PPARGC1B: variants seen among roughly 807,000 people sequenced by gnomAD.
The protein encoded by PPARGC1B is PPARG coactivator 1 beta.
A neutral mutation model predicts 101.6 loss-of-function variants in PPARGC1B; 34 were observed. The observed-to-expected ratio is 0.33, with a 90% CI of 0.25 to 0.45. The LOEUF (loss-of-function observed/expected upper bound fraction) is 0.45, where lower values mean the gene tolerates loss of function less well. Among genes scored for constraint, PPARGC1B ranks in the 20% least tolerant of loss-of-function variants. The probability of loss-of-function intolerance (pLI) is 1.00; values close to 1 mark genes in which losing one functional copy is unlikely to be tolerated. For synonymous variants in PPARGC1B, 548 were observed against 539.3 expected (o/e 1.02, Z -0.22); for missense variants, 1,234 against 1,317.6 (o/e 0.94, Z 0.98).
intron 8 of PPARGC1B, 104 bp from the exon 9 acceptor site, chr5:149,839,937 A>G: frequency 3.3e-6 from 4 of 1,198,024 alleles, no homozygotes; most frequent in Non-Finnish European, 4.9e-6. Flanking sequence ...TGCCCTCGTG[A>G]ACAAATCCTA....
At chr5:149,775,037 T>C (rs941199311) in intron 1 of PPARGC1B, among the ~76,000 whole-genome samples, 1 of 152,094 alleles carries the variant, frequency 6.6e-6, no homozygotes, top group Non-Finnish European at 1.5e-5. Flanking sequence ...CACCTAGAAT[T>C]GCTTCCCCCT....
Position 149,833,456 on chromosome 5 carries a change from A to G in PPARGC1B, c.1383A>G (p.Pro461=), listed in dbSNP as rs141187835. The G allele has an allele frequency of 8.3e-6, 13 of 1,573,414 alleles. No homozygotes were observed. Among genetic ancestry groups the G allele is most frequent in the South Asian group, 3.4e-5 (3 of 86,968 alleles). Residue 461 remains proline, a synonymous_variant, in exon 5 of 12, where the codon CCA becomes CCG. Coordinates refer to ENST00000309241, the MANE Select transcript of PPARGC1B (RefSeq NM_133263.4). This position sits in a 1 kb window ranked among gnomAD's most constrained non-coding sequence, Gnocchi z 4.1. ...WGRKRPGRGL[P]WTKLGRKLES... Reference sequence around the variant, plus strand: ...GGAAAAGGCCAGGCCGAGGCCTGCCATGGACGAAGCTGGGGAGGAAGCTGG... The same window carrying G: ...GGAAAAGGCCAGGCCGAGGCCTGCCGTGGACGAAGCTGGGGAGGAAGCTGG...
At chr5:149,820,893 C>T (rs928835400) in intron 2 of PPARGC1B, among the ~76,000 whole-genome samples, 1 of 152,210 alleles carries the variant, frequency 6.6e-6, no homozygotes, top group Non-Finnish European at 1.5e-5. Context: ...CCACAGAGGT[C>T]CAAGTCCTCT....
chr5:149,743,573 A>G (rs891737497), intron 1 of PPARGC1B, among the ~76,000 whole-genome samples: 8 of 152,118 alleles, frequency 5.3e-5, no homozygotes, highest in African/African-American at 1.2e-4. Flanking sequence ...CCCCCAATAA[A>G]TAGTTGTTGG....
intron 1 of PPARGC1B, among the ~76,000 whole-genome samples, chr5:149,786,124 GCTCTGTTGCCCAGGCTGGAGTC>G (rs1756799327): frequency 6.6e-6 from 1 of 151,672 alleles, no homozygotes; most frequent in South Asian, 2.1e-4. Flanking sequence ...ATGGAGTCTT[GCTCTGTTGCCCAGGCTGGAGTC>G]CAGTGGCTCG....
intron 1 of PPARGC1B, among the ~76,000 whole-genome samples, chr5:149,763,969 T>G (rs1043942003): frequency 2.0e-5 from 3 of 152,092 alleles, no homozygotes; most frequent in African/African-American, 7.2e-5. Context: ...TGTGAGCCAC[T>G]GGGCCCAGCC....
intron 1 of PPARGC1B, among the ~76,000 whole-genome samples, chr5:149,775,203 TG>T (rs1040326340): frequency 6.6e-6 from 1 of 152,074 alleles, no homozygotes; most frequent in Non-Finnish European, 1.5e-5. Flanking sequence ...TACAGCCCAG[TG>T]GGGGCAGAGG....
intron 1 of PPARGC1B, among the ~76,000 whole-genome samples, chr5:149,738,975 G>T (rs1050270277): frequency 6.6e-6 from 1 of 152,226 alleles, no homozygotes; most frequent in Non-Finnish European, 1.5e-5. Context: ...TGGTATCTGA[G>T]TGTGCTTTTA....
At chr5:149,793,483 A>G (rs773852626) in intron 1 of PPARGC1B, among the ~76,000 whole-genome samples, 46 of 152,118 alleles carry the variant, frequency 3.0e-4, no homozygotes, top group Non-Finnish European at 5.7e-4. Context: ...GGGGAGGTGC[A>G]TCACACCCCA....
intron 8 of PPARGC1B, 46 bp from the exon 9 acceptor site, chr5:149,839,995 G>C: frequency 3.8e-6 from 6 of 1,591,202 alleles, no homozygotes; most frequent in Non-Finnish European, 4.3e-6. Context: ...CACCCCCATG[G>C]TATCTCCCGA....
chr5:149,758,552 G>A (rs903141378), intron 1 of PPARGC1B, among the ~76,000 whole-genome samples: 9 of 152,330 alleles, frequency 5.9e-5, no homozygotes, highest in African/African-American at 2.2e-4. Context: ...ACCTGGTTGG[G>A]TGATCAGAAT....
At chr5:149,830,114 A>G (rs1758717013) in intron 3 of PPARGC1B, among the ~76,000 whole-genome samples, 1 of 151,158 alleles carries the variant, frequency 6.6e-6, no homozygotes, top group African/African-American at 2.4e-5. Context: ...TACTTGCATA[A>G]TGAAAGCCCA....
intron 2 of PPARGC1B, among the ~76,000 whole-genome samples, chr5:149,825,992 G>A (rs150343386): frequency 6.6e-6 from 1 of 152,318 alleles, no homozygotes; most frequent in African/African-American, 2.4e-5. Context: ...GTCCTCAGCA[G>A]TAACCTTAGG....
At chr5:149,780,607 T>A (rs1372679682) in intron 1 of PPARGC1B, among the ~76,000 whole-genome samples, 4 of 152,240 alleles carry the variant, frequency 2.6e-5, no homozygotes, top group African/African-American at 7.2e-5. Flanking sequence ...AGCGGTTAGA[T>A]AATGTGAAGC....
chr5:149,736,920 AT>A (rs1754735793), intron 1 of PPARGC1B, among the ~76,000 whole-genome samples: 1 of 152,128 alleles, frequency 6.6e-6, no homozygotes, highest in Non-Finnish European at 1.5e-5. Context: ...ATGAACCTAC[AT>A]TGACACATCA....
intron 3 of PPARGC1B, among the ~76,000 whole-genome samples, chr5:149,830,476 G>A (rs1327613177): frequency 1.3e-5 from 2 of 151,912 alleles, no homozygotes; most frequent in South Asian, 2.1e-4. Flanking sequence ...ATAGACAGAC[G>A]TTACCCAAGA....
intron 1 of PPARGC1B, among the ~76,000 whole-genome samples, chr5:149,789,960 G>A (rs925265160): frequency 3.9e-5 from 6 of 152,194 alleles, no homozygotes; most frequent in African/African-American, 1.4e-4. Flanking sequence ...GAGAAGCAAT[G>A]TAGACCTAAG....
rs993362434 is a variant in PPARGC1B at position 149,836,550 on chromosome 5, C to T, written c.2095C>T (p.Arg699Ter). 2.5e-6 allele frequency: 4 copies of T among 1,613,828 alleles called. No individual in the cohort carries two copies. The African/African-American group carries it at 5.3e-5, about 22-fold the overall frequency. ...FGDHDYCQVL[R>*]PEGVLQRKVL... ...AGACCATGACTACTGCCAGGTGCTC[C>T]GACCAGAAGGCGTCCTGCAAAGGAA... Residue 699 changes from arginine (R) to a stop codon, truncating the protein, a stop_gained, in exon 8 of 12, where the codon CGA becomes TGA. Coordinates refer to ENST00000309241, the MANE Select transcript of PPARGC1B (RefSeq NM_133263.4). LOFTEE classifies it high-confidence loss of function.
At chr5:149,820,301 C>A (rs916764727) in intron 1 of PPARGC1B, 132 bp from the exon 2 acceptor site, 6 of 808,854 alleles carry the variant, frequency 7.4e-6, no homozygotes, top group African/African-American at 1.7e-5. Flanking sequence ...CTGATCTTTC[C>A]ATTTCTTGGT....
Sources: gnomAD v4.1 joint callset for allele counts (sites outside exome capture counted in the v4.1 genomes callset) on GRCh38, gnomAD v4.1.1 for gene constraint, Gnocchi (gnomAD v3.1) non-coding constraint, MANE v1.5 for transcripts, NCBI Gene and HGNC (gene_info 2026-07-23, HGNC 2026-07-21) for gene names.